ATP10B: variants seen among roughly 807,000 people sequenced by gnomAD.
ATP10B encodes the protein ATPase phospholipid transporting 10B (putative), also known as phospholipid-transporting ATPase VB.
Under a neutral mutation model 141.2 loss-of-function variants are expected in ATP10B, and 122 were observed. That is an observed-to-expected ratio of 0.86 (90% confidence interval 0.75 to 1.00). The LOEUF (loss-of-function observed/expected upper bound fraction) is 1.00, where lower values mean the gene tolerates loss of function less well. Among genes scored for constraint, ATP10B ranks in the 50% least tolerant of loss-of-function variants. The probability of loss-of-function intolerance (pLI) is 0.00; values close to 1 mark genes in which losing one functional copy is unlikely to be tolerated. For missense variants in ATP10B, 1,876 were observed against 1,825.3 expected (o/e 1.03, Z -0.51); for synonymous variants, 685 against 692.0 (o/e 0.99, Z 0.16).
intron 9 of ATP10B, 122 bp from the exon 10 acceptor site, chr5:160,640,714 T>A: frequency 7.6e-7 from 1 of 1,316,978 alleles, no homozygotes; most frequent in South Asian, 1.5e-5. Flanking sequence ...TAACCTGAAC[T>A]TGCCCCGCCT....
At chr5:160,632,620 G>GTTTTTTTTTTTTTTT (rs34556097) in intron 12 of ATP10B, 1 of 127,720 alleles carries the variant, frequency 7.8e-6, no homozygotes. Context: ...TTCCTCAGAG[G>GTTTTTTTTTTTTTTT]TTTTTTTTTT....
At chr5:160,566,669 A>G (rs1754555686) in intron 25 of ATP10B, among the ~76,000 whole-genome samples, 1 of 152,160 alleles carries the variant, frequency 6.6e-6, no homozygotes. Flanking sequence ...CTCTCTGTTC[A>G]AAGTGTAGGC....
At chr5:160,768,610 AC>A (rs1769658936) in intron 2 of ATP10B, among the ~76,000 whole-genome samples, 1 of 152,162 alleles carries the variant, frequency 6.6e-6, no homozygotes, top group Admixed American at 6.5e-5. Flanking sequence ...CTCAGCTAAA[AC>A]CTAAAAGAAC....
chr5:160,607,504 T>C (rs1267700387), intron 18 of ATP10B, among the ~76,000 whole-genome samples: 1 of 152,210 alleles, frequency 6.6e-6, no homozygotes, highest in Non-Finnish European at 1.5e-5. Context: ...GTATTCCTGA[T>C]CTTAGAGATG....
chr5:160,615,473 G>A lies in ATP10B; in HGVS notation c.2653+365C>T, dbSNP rs118190643. Reference sequence around the variant, plus strand: ...GTATCCTCACTAGACTCCAAGATCTGGGAGGGCAGACTTTTTGGCTCCTGT... The same window carrying A: ...GTATCCTCACTAGACTCCAAGATCTAGGAGGGCAGACTTTTTGGCTCCTGT... On this transcript the variant is annotated intron_variant, in intron 17 of 25. Transcript: ENST00000327245. Among the ~76,000 whole-genome samples the A allele has an allele frequency of 2.0e-4, 30 of 151,510 alleles. No individual in the cohort carries two copies. The East Asian group carries it at 4.8e-3, about 24-fold the overall frequency.
At chr5:160,587,412 T>G (rs1006285742) in intron 24 of ATP10B, among the ~76,000 whole-genome samples, 1 of 152,188 alleles carries the variant, frequency 6.6e-6, no homozygotes, top group African/African-American at 2.4e-5. Flanking sequence ...CTTGGGTATA[T>G]GAGCTCATTT....
At chr5:160,772,635 G>A (rs1368436228) in intron 2 of ATP10B, among the ~76,000 whole-genome samples, 1 of 152,176 alleles carries the variant, frequency 6.6e-6, no homozygotes, top group African/African-American at 2.4e-5. Context: ...GTTCACAATA[G>A]GGTTTGTGCT....
At chr5:160,666,245 T>A (rs1307407152) in intron 7 of ATP10B, among the ~76,000 whole-genome samples, 2 of 152,162 alleles carry the variant, frequency 1.3e-5, no homozygotes, top group African/African-American at 2.4e-5. Flanking sequence ...AGAAAATTTT[T>A]AAAAATATGC....
intron 1 of ATP10B, among the ~76,000 whole-genome samples, chr5:160,828,141 T>C (rs1222677820): frequency 6.6e-6 from 1 of 152,094 alleles, no homozygotes; most frequent in African/African-American, 2.4e-5. Context: ...ATTCAGGACA[T>C]AGGCATGGGC....
At chr5:160,628,540 G>T (rs546425459) in intron 13 of ATP10B, among the ~76,000 whole-genome samples, 1 of 152,250 alleles carries the variant, frequency 6.6e-6, no homozygotes, top group African/African-American at 2.4e-5. Context: ...AAAGGAGGCA[G>T]AGGTCCAATG....
chr5:160,837,103 A>G (rs1056529017), intron 1 of ATP10B, among the ~76,000 whole-genome samples: 1 of 152,122 alleles, frequency 6.6e-6, no homozygotes, highest in Non-Finnish European at 1.5e-5. Flanking sequence ...CAGTCAGTCC[A>G]TCATGTTTTC....
In ATP10B at chr5:160,624,479, C is replaced by A. The variant is rs544412659; in HGVS notation, c.1621-1894G>T. On this transcript the variant is annotated intron_variant, in intron 13 of 25. Transcript: ENST00000327245. ...AGAAAAAAAGTCTACTTACCAGAAG[C>A]AAGAGGGCTAATAAAACTGAATCAG... Among the ~76,000 whole-genome samples the A allele has an allele frequency of 2.0e-5, 3 of 152,316 alleles. No homozygotes were observed. In the South Asian group the frequency reaches 6.2e-4, roughly 32 times the overall value.
chr5:160,755,835 AAAAATATATATATATATATATATAT>A (rs1214854943), intron 2 of ATP10B, among the ~76,000 whole-genome samples: 28 of 78,962 alleles, frequency 3.5e-4, no homozygotes, highest in African/African-American at 1.2e-3. Flanking sequence ...AAAAAAAAAA[AAAAATATATATATATATATATATAT>A]ATATATATAT....
chr5:160,902,309 C>G, the ATP10B span, among the ~76,000 whole-genome samples: 1 of 152,104 alleles, frequency 6.6e-6, no homozygotes, highest in Non-Finnish European at 1.5e-5. Context: ...TTCCAGTGGG[C>G]ACGAGGGTTG....
intron 10 of ATP10B, among the ~76,000 whole-genome samples, chr5:160,637,557 C>T (rs537459394): frequency 1.3e-5 from 2 of 152,332 alleles, no homozygotes; most frequent in East Asian, 1.9e-4. Flanking sequence ...ACAGACTGAA[C>T]TCTGTTTCCT....
intron 13 of ATP10B, among the ~76,000 whole-genome samples, chr5:160,625,540 G>C (rs1022428619): frequency 6.6e-6 from 1 of 152,172 alleles, no homozygotes; most frequent in Non-Finnish European, 1.5e-5. Context: ...TGCCAAAATT[G>C]AGTGTCAGAA....
intron 15 of ATP10B, among the ~76,000 whole-genome samples, chr5:160,619,151 T>G (rs187001239): frequency 1.9e-3 from 283 of 152,346 alleles, no homozygotes; most frequent in Non-Finnish European, 2.8e-3. Flanking sequence ...CACCAGCTCC[T>G]GAGATTAAAC....
chr5:160,845,291 C>T (rs1412951147), intron 1 of ATP10B, among the ~76,000 whole-genome samples: 1 of 152,054 alleles, frequency 6.6e-6, no homozygotes, highest in African/African-American at 2.4e-5. Flanking sequence ...TGACTGTGGA[C>T]ATGACATTAA....
intron 6 of ATP10B, among the ~76,000 whole-genome samples, chr5:160,684,469 A>G (rs1359872433): frequency 2.6e-5 from 4 of 152,168 alleles, no homozygotes; most frequent in African/African-American, 9.7e-5. Context: ...ACAATACTCC[A>G]TTGCTCCCCC....
Sources: allele counts gnomAD v4.1 joint callset (sites outside exome capture counted in the v4.1 genomes callset), GRCh38; gene constraint gnomAD v4.1.1; transcripts MANE v1.5; gene names NCBI Gene and HGNC (gene_info 2026-07-23, HGNC 2026-07-21).